The following OR8J1 variants were observed in gnomAD, a reference collection of about 807,000 sequenced individuals.
The protein encoded by OR8J1 is olfactory receptor 8J1.
For missense variants in OR8J1, 400 were observed against 373.0 expected (o/e 1.07, Z -0.60); for synonymous variants, 157 against 144.3 (o/e 1.09, Z -0.63).
intron 1 of OR8J1, among the ~76,000 whole-genome samples, chr11:56,358,624 A>C (rs982003392): frequency 6.6e-6 from 1 of 152,196 alleles, no homozygotes; most frequent in African/African-American, 2.4e-5. Context: ...AGACCTTCCC[A>C]TAACATACCA....
intron 1 of OR8J1, among the ~76,000 whole-genome samples, chr11:56,356,212 G>T (rs370983077): frequency 1.1e-4 from 16 of 152,302 alleles, no homozygotes; most frequent in South Asian, 6.2e-4. Context: ...GTTATAGAAG[G>T]CTTGCTCTAA....
intron 1 of OR8J1, among the ~76,000 whole-genome samples, chr11:56,356,145 C>T (rs1217812246): frequency 2.6e-5 from 4 of 152,026 alleles, no homozygotes; most frequent in African/African-American, 9.7e-5. Flanking sequence ...CTTGCCAGTA[C>T]AACCATAAAG....
intron 1 of OR8J1, among the ~76,000 whole-genome samples, chr11:56,356,766 C>A (rs536080840): frequency 6.6e-6 from 1 of 152,110 alleles, no homozygotes; most frequent in Admixed American, 6.6e-5. Flanking sequence ...TCAAGCCTAA[C>A]CACATCAATA....
rs754007010 is a variant in OR8J1 at position 56,360,855 on chromosome 11, A to G, written c.609A>G (p.Ala203=). 3.3e-6 allele frequency: 5 copies of G among 1,512,342 alleles called. No individual in the cohort carries two copies. 93.7% of individuals were successfully genotyped at this position (1,512,342 alleles called of 1,614,324 possible). ...CAGAAACAGTTGTCTTTATATCTGC[A>G]GCAACAAATGTGGTTGGTTCCTTGA... ...YLPETVVFIS[A]ATNVVGSLII... Residue 203 remains alanine (A), a synonymous_variant, in exon 2 of 2, where the codon GCA becomes GCG. Coordinates refer to ENST00000533152, the MANE Select transcript of OR8J1 (RefSeq NM_001005205.3).
chr11:56,360,443 TG>T lies in OR8J1; in HGVS notation c.199del (p.Ala67LeufsTer16). Reference protein sequence around the residue: ...QTPMYFFLQHLALINLGNSTV... With the variant: ...QTPMYFFLQHXALINLGNSTV... ...CCCATGTACTTTTTCCTGCAACATCTGGCTCTCATTAATCTTGGTAACTCTA... is the reference window on the plus strand; with the variant it reads ...CCCATGTACTTTTTCCTGCAACATCTGCTCTCATTAATCTTGGTAACTCTA... On this transcript the variant is annotated frameshift_variant, in exon 2 of 2. Transcript: ENST00000533152. LOFTEE classifies it low-confidence loss of function (END_TRUNC). 6.2e-7 allele frequency: 1 copy of T among 1,614,166 alleles called. No individual in the cohort carries two copies. Among genetic ancestry groups the T allele is most frequent in the Non-Finnish European group, 8.5e-7 (1 of 1,180,018 alleles).
At chr11:56,357,614 A>C in intron 1 of OR8J1, 1 of 1,300,178 alleles carries the variant, frequency 7.7e-7, no homozygotes, top group South Asian at 1.2e-5. Context: ...ATTATGCTGC[A>C]GCCTATTGTA....
At chr11:56,356,092 A>G (rs571206205) in intron 1 of OR8J1, among the ~76,000 whole-genome samples, 19 of 152,342 alleles carry the variant, frequency 1.2e-4, no homozygotes, top group Admixed American at 3.3e-4. Flanking sequence ...AATACCTTGG[A>G]TAACACAACC....
At chr11:56,357,665 C>A (rs2134913156) in intron 1 of OR8J1, 1 of 1,566,080 alleles carries the variant, frequency 6.4e-7, no homozygotes, top group Non-Finnish European at 8.7e-7. Context: ...ATAGGTTTGG[C>A]ATGGACAAGA....
In OR8J1 at chr11:56,357,200, G is replaced by A. The variant is rs141001845; in HGVS notation, c.-21+2875G>A. 1.3e-3 allele frequency: 313 copies of A among 238,614 alleles called. 2 individuals carry two copies. Among genetic ancestry groups the A allele is most frequent in the African/African-American group, 3.5e-3 (152 of 44,026 alleles). 14.8% of individuals were successfully genotyped at this position (238,614 alleles called of 1,614,324 possible). Reference sequence around the variant, plus strand: ...ATAATTCATTATCTTTACAACAAGAGTAATCTTTTTAAAACTTAAAGCCAA... The same window carrying A: ...ATAATTCATTATCTTTACAACAAGAATAATCTTTTTAAAACTTAAAGCCAA... On this transcript the variant is annotated intron_variant, in intron 1 of 1. Transcript: ENST00000533152.
chr11:56,360,995 T>C lies in OR8J1; in HGVS notation c.749T>C (p.Ile250Thr), dbSNP rs1186602559. Residue 250 changes from isoleucine (I) to threonine (T), a missense_variant, in exon 2 of 2, where the codon ATT becomes ACT. Physicochemically the swap from Ile to Thr is moderately conservative, Grantham distance 89 (BLOSUM62 -1). Coordinates refer to ENST00000533152, the MANE Select transcript of OR8J1 (RefSeq NM_001005205.3). ...TCASHMMAVT[I>T]FYGTLLFMYV... is the part of the protein sequence containing the mutation. Reference sequence around the variant, plus strand: ...GCTTCACATATGATGGCAGTCACAATTTTTTATGGGACATTGCTATTCATG... The same window carrying C: ...GCTTCACATATGATGGCAGTCACAACTTTTTATGGGACATTGCTATTCATG... The C allele has an allele frequency of 2.0e-6, 3 of 1,481,784 alleles. No individual in the cohort carries two copies. The Admixed American group carries it at 7.7e-5, about 38-fold the overall frequency. 91.8% of individuals were successfully genotyped at this position (1,481,784 alleles called of 1,614,324 possible).
rs151173799 is a variant in OR8J1 at position 56,355,900 on chromosome 11, G to T, written c.-21+1575G>T. On this transcript the variant is annotated intron_variant, in intron 1 of 1. Coordinates refer to ENST00000533152, the MANE Select transcript of OR8J1 (RefSeq NM_001005205.3). ...CTGCTACAAATGGTGGACAAACTTT[G>T]CAGAGAAGATTCTACCTCTCACTAA... 2.9e-3 allele frequency among the ~76,000 whole-genome samples: 437 copies of T among 152,224 alleles called. 10 individuals are homozygous for T. The highest frequency in any genetic ancestry group is 0.025 in the Admixed American group (384 of 15,290).
At chr11:56,356,477 G>C (rs530513605) in intron 1 of OR8J1, among the ~76,000 whole-genome samples, 1 of 152,236 alleles carries the variant, frequency 6.6e-6, no homozygotes, top group Non-Finnish European at 1.5e-5. Flanking sequence ...TTTGCTAAGG[G>C]GGATAACAAA....
Position 56,361,297 on chromosome 11 carries a change from T to A in OR8J1, c.*100T>A. Reference sequence around the variant, plus strand: ...AAAAGGTAGGTAGCCGAGTTACAGGTTCGTAAGCAATCATAAGAATTACAA... The same window carrying A: ...AAAAGGTAGGTAGCCGAGTTACAGGATCGTAAGCAATCATAAGAATTACAA... On this transcript the variant is annotated 3_prime_UTR_variant, in exon 2 of 2. Transcript: ENST00000533152. 2.3e-6 allele frequency: 1 copy of A among 429,642 alleles called. No individual in the cohort carries two copies. Among genetic ancestry groups the A allele is most frequent in the Middle Eastern group, 4.6e-4 (1 of 2,176 alleles). The allele number at this position is 429,642 out of a possible 1,614,324, so 26.6% of individuals were successfully genotyped here.
intron 1 of OR8J1, among the ~76,000 whole-genome samples, chr11:56,356,513 T>C (rs1176642376): frequency 1.3e-5 from 2 of 152,002 alleles, no homozygotes; most frequent in Non-Finnish European, 2.9e-5. Context: ...AGACAGAATA[T>C]TAAAATTGGA....
In OR8J1 at chr11:56,355,697, A is replaced by C. The variant is rs866153483; in HGVS notation, c.-21+1372A>C. The stretch of plus-strand genomic sequence containing the variant: ...TGACAGAGTGAGACTCCATCTCAAA[A>C]AAACAAACAAACAAAAGCTCATCTA... On this transcript the variant is annotated intron_variant, in intron 1 of 1. Transcript: ENST00000533152. 3.3e-5 allele frequency among the ~76,000 whole-genome samples: 5 copies of C among 152,290 alleles called. No individual in the cohort carries two copies. The South Asian group carries it at 8.3e-4, about 25-fold the overall frequency.
intron 1 of OR8J1, 138 bp from the exon 2 acceptor site, chr11:56,360,089 C>G: frequency 1.9e-6 from 1 of 523,410 alleles, no homozygotes; most frequent in African/African-American, 2.0e-5. Context: ...CTTATTAGAC[C>G]TAGAAGCTTG....
rs1449251302 is a variant in OR8J1, at chr11:56,361,043, A to G, written c.797A>G (p.His266Arg). 7.3e-6 allele frequency: 11 copies of G among 1,503,564 alleles called. No individual in the cohort carries two copies. Among genetic ancestry groups the G allele is most frequent in the Non-Finnish European group, 9.7e-6 (11 of 1,135,334 alleles). The allele number at this position is 1,503,564 out of a possible 1,614,324, so 93.1% of individuals were successfully genotyped here. A position where few individuals can be genotyped will look rare whatever the true frequency, so the allele number is the denominator to read the frequency against. The change falls in exon 2 of 2, where the codon CAT (histidine) becomes CGT (arginine). Residue 266 changes from histidine to arginine, a missense_variant. Physicochemically the swap from His to Arg is conservative, Grantham distance 29. Transcript: ENST00000533152. ...ATGTATGTGCAGCCCCGAAGTAACCATTCACTGGATACTGATGATAAGATG... is the reference window on the plus strand; with the variant it reads ...ATGTATGTGCAGCCCCGAAGTAACCGTTCACTGGATACTGATGATAAGATG... ...LFMYVQPRSN[H>R]SLDTDDKMAS... is the part of the protein sequence containing the mutation.
Position 56,361,110 on chromosome 11 carries a change from C to G in OR8J1, c.864C>G (p.Pro288=). The change falls in exon 2 of 2, where the codon CCC becomes CCG. Residue 288 remains proline (P), a synonymous_variant. Transcript: ENST00000533152. ...FYTLVIPMLN[P]LIYSLRNKDV... ...CGTTGGTAATTCCTATGCTGAATCC[C>G]TTGATCTACAGCCTGAGGAATAAGG... is the stretch of plus-strand genomic sequence containing the variant. 6.6e-7 allele frequency: 1 copy of G among 1,504,978 alleles called. No individual in the cohort carries two copies. Among genetic ancestry groups the G allele is most frequent in the Non-Finnish European group, 8.8e-7 (1 of 1,134,736 alleles). 93.2% of individuals were successfully genotyped at this position (1,504,978 alleles called of 1,614,324 possible).
intron 1 of OR8J1, chr11:56,357,427 G>A (rs144909568): frequency 4.0e-5 from 35 of 885,488 alleles, no homozygotes; most frequent in East Asian, 7.3e-5. Context: ...GCTCGGAAAC[G>A]CTTGGTGATA....
Sources: allele counts gnomAD v4.1 joint callset (sites outside exome capture counted in the v4.1 genomes callset), GRCh38; gene constraint gnomAD v4.1.1; transcripts MANE v1.5; gene names NCBI Gene and HGNC (gene_info 2026-07-23, HGNC 2026-07-21).